Variants in EYS observed in about 807,000 individuals in gnomAD.
The protein encoded by EYS is EGF-like photoreceptor maintenance factor.
In EYS, 250 loss-of-function variants were observed where a neutral mutation model predicts 282.1. That is an observed-to-expected ratio of 0.89 (90% CI 0.80 to 0.98). The LOEUF is 0.98. Among genes scored for constraint, EYS ranks in the 50% least tolerant of loss-of-function variants. The pLI is 0.00. For missense variants in EYS, 4,016 were observed against 3,709.0 expected, an observed-to-expected ratio of 1.08 and a Z score of -2.15; for synonymous variants, 1,355 against 1,282.9, an observed-to-expected ratio of 1.06 and a Z score of -1.20.
At chr6:65,167,034 G>T (rs1348841352) in intron 12 of EYS, among the ~76,000 whole-genome samples, 1 of 151,098 alleles carries the variant, frequency 6.6e-6, no homozygotes, top group Non-Finnish European at 1.5e-5. Flanking sequence ...ATTAAAAAAA[G>T]ATGTAACAAC....
intron 12 of EYS, among the ~76,000 whole-genome samples, chr6:65,165,962 A>C (rs1210985293): frequency 1.3e-5 from 2 of 151,110 alleles, no homozygotes; most frequent in East Asian, 3.9e-4. Context: ...AAATGAAATC[A>C]AGTCCCATTA....
intron 19 of EYS, among the ~76,000 whole-genome samples, chr6:64,856,502 T>C (rs931509900): frequency 6.6e-6 from 1 of 152,138 alleles, no homozygotes; most frequent in African/African-American, 2.4e-5. Context: ...TTTTGTCATG[T>C]TGACCAGGCT....
chr6:64,872,342 C>A (rs1338923516), intron 19 of EYS, among the ~76,000 whole-genome samples: 1 of 151,974 alleles, frequency 6.6e-6, no homozygotes, highest in Non-Finnish European at 1.5e-5. Flanking sequence ...CAAAACAGAT[C>A]CAGACTATAT....
chr6:65,629,510 G>T (rs543545025), intron 2 of EYS, among the ~76,000 whole-genome samples: 1 of 152,124 alleles, frequency 6.6e-6, no homozygotes, highest in Non-Finnish European at 1.5e-5. Context: ...AATTCCAGCA[G>T]AACAGCTGAT....
intron 22 of EYS, among the ~76,000 whole-genome samples, chr6:64,800,905 C>A (rs1013009967): frequency 6.6e-6 from 1 of 151,880 alleles, no homozygotes; most frequent in Non-Finnish European, 1.5e-5. Flanking sequence ...CACAATTGCA[C>A]GTCAGATTAA....
At chr6:65,346,582 G>T (rs771858725) in intron 9 of EYS, among the ~76,000 whole-genome samples, 1 of 151,486 alleles carries the variant, frequency 6.6e-6, no homozygotes, top group Non-Finnish European at 1.5e-5. Flanking sequence ...AAAGAGAAAA[G>T]AAATTATGAG....
chr6:64,626,414 G>A lies in EYS; in HGVS notation c.3444-169C>T, dbSNP rs536134664. ...TTGAATTGTGGCCCCAAAACAGTAT[G>A]TCTAATACTTAACACTAAATATCTG... On this transcript the variant is annotated intron_variant, in intron 22 of 42. Transcript: ENST00000503581. Among the ~76,000 whole-genome samples, 15 of 152,240 alleles carry A rather than the reference G, an allele frequency of 9.9e-5. No individual in the cohort carries two copies. The South Asian group carries it at 3.1e-3, about 32-fold the overall frequency.
intron 12 of EYS, among the ~76,000 whole-genome samples, chr6:65,197,349 C>G (rs1765795077): frequency 6.6e-6 from 1 of 151,980 alleles, no homozygotes; most frequent in Non-Finnish European, 1.5e-5. Context: ...AAGACTTATA[C>G]TCAATCTGAG....
chr6:64,819,095 A>G (rs966501180), intron 21 of EYS, among the ~76,000 whole-genome samples: 2 of 151,962 alleles, frequency 1.3e-5, no homozygotes, highest in African/African-American at 4.8e-5. Context: ...TTAGCCTTGA[A>G]AAACAGTTCA....
chr6:65,094,189 C>A (rs1774657946), intron 12 of EYS, among the ~76,000 whole-genome samples: 1 of 150,688 alleles, frequency 6.6e-6, no homozygotes, highest in South Asian at 2.1e-4. Context: ...TATATAGGCA[C>A]CCAACATCAG....
In EYS at chr6:63,762,520, A is replaced by T. The variant is rs527236076; in HGVS notation, c.8012T>A (p.Leu2671Ter). The T allele has an allele frequency of 3.2e-6, 5 of 1,550,422 alleles. No individual in the cohort carries two copies. In the East Asian group the frequency reaches 1.2e-4, roughly 38 times the overall value. ...ACAGAAACAGGTGTATCCATGAGGT[A>T]ATGAAATGCAGGTTGCTCCTCTGCT... ...HCSRGATCISLPHGYTCFCPL... is the reference protein window; with the variant it reads ...HCSRGATCIS Residue 2671 changes from leucine to a stop codon, truncating the protein, a stop_gained, in exon 41 of 43, where the codon TTA (leucine) becomes TAA (stop). Coordinates refer to ENST00000503581, the MANE Select transcript of EYS (RefSeq NM_001142800.2). LOFTEE classifies it high-confidence loss of function.
At chr6:65,157,848 A>C (rs1764763719) in intron 12 of EYS, among the ~76,000 whole-genome samples, 1 of 150,740 alleles carries the variant, frequency 6.6e-6, no homozygotes, top group Admixed American at 6.6e-5. Context: ...ATATAAATCA[A>C]GTACCATTAT....
intron 31 of EYS, among the ~76,000 whole-genome samples, chr6:64,193,770 G>A (rs571997792): frequency 3.0e-4 from 45 of 152,092 alleles, no homozygotes; most frequent in Non-Finnish European, 2.9e-4. Context: ...CTGTCCTTGC[G>A]TTAGTTTGCT....
chr6:63,856,557 T>G (rs140587789), intron 36 of EYS, among the ~76,000 whole-genome samples: 1 of 152,186 alleles, frequency 6.6e-6, no homozygotes, highest in Non-Finnish European at 1.5e-5. Flanking sequence ...ATAACAGATG[T>G]GTAGCTCCCT....
Position 63,931,799 on chromosome 6 carries a change from GT to G in EYS, c.7055+52583del, listed in dbSNP as rs558767804. ...GTGAATATTTAACAATTTCTTTTCT[GT>G]TTTTTTAAAGCATATAATAAATTAT... On this transcript the variant is annotated intron_variant, in intron 35 of 42. Transcript: ENST00000503581. Among the ~76,000 whole-genome samples, 868 of 152,048 alleles carry G rather than the reference GT, an allele frequency of 5.7e-3. 4 individuals are homozygous for G. Among genetic ancestry groups the G allele is most frequent in the Non-Finnish European group, 8.9e-3 (605 of 67,942 alleles).
At chr6:64,643,802 C>T (rs999351421) in intron 22 of EYS, among the ~76,000 whole-genome samples, 21 of 152,202 alleles carry the variant, frequency 1.4e-4, no homozygotes, top group African/African-American at 4.8e-4. Context: ...CCACGTAAGA[C>T]GTGACTTGCT....
At chr6:64,038,644 G>C (rs1770237614) in intron 33 of EYS, among the ~76,000 whole-genome samples, 1 of 151,144 alleles carries the variant, frequency 6.6e-6, no homozygotes, top group Admixed American at 6.6e-5. Context: ...AATATTGTGT[G>C]CATAAAAATA....
At chr6:64,855,227 G>A (rs1160448536) in intron 19 of EYS, among the ~76,000 whole-genome samples, 1 of 151,772 alleles carries the variant, frequency 6.6e-6, no homozygotes, top group Non-Finnish European at 1.5e-5. Context: ...TGAGCTTTGT[G>A]GATTGGTGTA....
At chr6:64,793,967 T>G (rs1432426777) in intron 22 of EYS, among the ~76,000 whole-genome samples, 1 of 152,176 alleles carries the variant, frequency 6.6e-6, no homozygotes, top group Non-Finnish European at 1.5e-5. Context: ...TAACAAAAAC[T>G]TTATTCCCAT....
Sources: allele counts gnomAD v4.1 joint callset (sites outside exome capture counted in the v4.1 genomes callset), GRCh38; gene constraint gnomAD v4.1.1; transcripts MANE v1.5; gene names NCBI Gene and HGNC (gene_info 2026-07-23, HGNC 2026-07-21).